Variants in KIFAP3 observed in about 807,000 individuals in gnomAD.
The protein encoded by KIFAP3 is kinesin associated protein 3, also known as kinesin-associated protein 3.
A neutral mutation model predicts 106.5 loss-of-function variants in KIFAP3; 68 were observed. The observed-to-expected ratio is 0.64, with a 90% CI of 0.53 to 0.78. KIFAP3 has a LOEUF of 0.78. Among genes scored for constraint, KIFAP3 ranks in the 30% least tolerant of loss-of-function variants. KIFAP3 has a pLI of 0.00. For synonymous variants in KIFAP3, 320 were observed against 311.5 expected (o/e 1.03, Z -0.29); for missense variants, 780 against 941.8 (o/e 0.83, Z 2.25).
intron 2 of KIFAP3, among the ~76,000 whole-genome samples, chr1:170,051,205 C>T (rs908759701): frequency 3.4e-5 from 5 of 145,748 alleles, no homozygotes; most frequent in African/African-American, 1.3e-4. Context: ...TCTGATAAAA[C>T]AGACTTTAAA....
intron 17 of KIFAP3, among the ~76,000 whole-genome samples, chr1:169,971,789 G>A (rs1257869459): frequency 6.6e-6 from 1 of 151,962 alleles, no homozygotes; most frequent in African/African-American, 2.4e-5. Flanking sequence ...CTAAAGGTGA[G>A]CCAAATCCAG....
At chr1:170,003,197 C>A (rs1667753000) in intron 10 of KIFAP3, among the ~76,000 whole-genome samples, 1 of 152,138 alleles carries the variant, frequency 6.6e-6, no homozygotes, top group Non-Finnish European at 1.5e-5. Context: ...CTATATGTGT[C>A]TAAGTGCTTA....
At chr1:170,071,393 T>A (rs1351062699) in intron 1 of KIFAP3, among the ~76,000 whole-genome samples, 1 of 152,196 alleles carries the variant, frequency 6.6e-6, no homozygotes, top group African/African-American at 2.4e-5. Flanking sequence ...TAAAATGGAA[T>A]ACTGAATTAG....
At chr1:170,022,690 TATC>T (rs1201544671) in intron 9 of KIFAP3, among the ~76,000 whole-genome samples, 3 of 152,170 alleles carry the variant, frequency 2.0e-5, no homozygotes, top group African/African-American at 7.2e-5. Flanking sequence ...GTAAAATCCA[TATC>T]ATCTCTAGTA....
chr1:170,028,736 G>A (rs1404496233), intron 8 of KIFAP3, among the ~76,000 whole-genome samples: 1 of 152,122 alleles, frequency 6.6e-6, no homozygotes, highest in Non-Finnish European at 1.5e-5. Flanking sequence ...AGCATGAAAT[G>A]GCACAAAATA....
chr1:170,041,049 T>G (rs1429691635), intron 3 of KIFAP3, among the ~76,000 whole-genome samples: 1 of 152,106 alleles, frequency 6.6e-6, no homozygotes, highest in East Asian at 1.9e-4. Flanking sequence ...GGTCTCGATC[T>G]CTTGACCTCG....
intron 15 of KIFAP3, among the ~76,000 whole-genome samples, chr1:169,980,057 C>G (rs959364256): frequency 6.6e-6 from 1 of 152,030 alleles, no homozygotes; most frequent in Non-Finnish European, 1.5e-5. Flanking sequence ...CAACACTAAT[C>G]TAGTGGTGAC....
At position 170,035,482 on chromosome 1, in the gene KIFAP3, T is replaced by A. The variant is rs1669640243; in HGVS notation, c.589A>T (p.Ile197Leu). 6.2e-7 allele frequency: 1 copy of A among 1,608,982 alleles called. No individual in the cohort carries two copies. The highest frequency in any genetic ancestry group is 1.7e-5 in the Admixed American group (1 of 59,474). ...GAGAAACAAAAAAAGATGTAAATTA[T>A]GTTTGTAGCTAACTCGACACTTTGC... ...WKQSVELATN[I>L]IYIFFCFSSF... Residue 197 changes from isoleucine (I) to leucine (L), a missense_variant, in exon 6 of 20, where the codon ATA becomes TTA. By Grantham distance (5) the Ile-to-Leu change is conservative. Around this residue, in one of 3 missense-constraint regions of KIFAP3, gnomAD observed 588 missense variants for 678.9 expected, o/e 0.87. Transcript: ENST00000361580.
At chr1:169,957,062 C>G (rs1665053279) in intron 18 of KIFAP3, among the ~76,000 whole-genome samples, 1 of 152,198 alleles carries the variant, frequency 6.6e-6, no homozygotes, top group Non-Finnish European at 1.5e-5. Flanking sequence ...CCAAGCACCT[C>G]AACTTCTTTG....
At chr1:170,050,130 A>G (rs367883463) in intron 2 of KIFAP3, among the ~76,000 whole-genome samples, 1 of 152,194 alleles carries the variant, frequency 6.6e-6, no homozygotes, top group Non-Finnish European at 1.5e-5. Context: ...TAGAATAACC[A>G]GTTTAGAGAG....
chr1:169,948,926 GA>G (rs546043827), intron 19 of KIFAP3, among the ~76,000 whole-genome samples: 2 of 151,764 alleles, frequency 1.3e-5, no homozygotes, highest in African/African-American at 2.4e-5. Flanking sequence ...TTTCTCAAGG[GA>G]AAAAAACAGT....
intron 10 of KIFAP3, among the ~76,000 whole-genome samples, chr1:170,007,406 TGAA>T (rs1220768482): frequency 6.6e-6 from 1 of 150,584 alleles, no homozygotes; most frequent in Non-Finnish European, 1.5e-5. Flanking sequence ...AGAGGGAAAA[TGAA>T]GACAGGAAAT....
chr1:170,039,194 A>G (rs763998909), intron 4 of KIFAP3, 39 bp downstream of exon 4: 2 of 1,240,764 alleles, frequency 1.6e-6, no homozygotes, highest in South Asian at 1.4e-5. Flanking sequence ...ATATCTTATA[A>G]TCCAGTCCTC....
intron 2 of KIFAP3, among the ~76,000 whole-genome samples, chr1:170,051,865 A>G (rs961378798): frequency 6.6e-6 from 1 of 152,246 alleles, no homozygotes. Context: ...GGAAATTTAT[A>G]GCACTAAATG....
chr1:170,052,683 T>C (rs1670638326), intron 2 of KIFAP3, among the ~76,000 whole-genome samples: 1 of 152,208 alleles, frequency 6.6e-6, no homozygotes, highest in Admixed American at 6.5e-5. Flanking sequence ...CAAGGCTGGT[T>C]CAACATATGC....
chr1:169,982,798 C>T lies in KIFAP3; in HGVS notation c.1576G>A (p.Gly526Arg). Residue 526 changes from glycine to arginine, a missense_variant, in exon 14 of 20, where the codon GGA becomes AGA. By Grantham distance (125) the Gly-to-Arg change is moderately radical (BLOSUM62 -2). Transcript: ENST00000361580. ...EEEEFVIECL[G>R]TLANLTIPDL... Reference sequence around the variant, plus strand: ...GGAATGGTCAAGTTTGCAAGAGTTCCCAAACATTCAATCACAAACTCCTCT... The same window carrying T: ...GGAATGGTCAAGTTTGCAAGAGTTCTCAAACATTCAATCACAAACTCCTCT... The T allele has an allele frequency of 3.1e-6, 5 of 1,608,098 alleles. No homozygotes were observed. Among genetic ancestry groups the T allele is most frequent in the Non-Finnish European group, 4.3e-6 (5 of 1,175,884 alleles).
Position 170,024,407 on chromosome 1 carries a change from T to C in KIFAP3, c.1020+11A>G, listed in dbSNP as rs762490810. The C allele has an allele frequency of 1.8e-5, 27 of 1,518,576 alleles. No individual in the cohort carries two copies. The Admixed American group carries it at 5.5e-4, about 31-fold the overall frequency. The allele number at this position is 1,518,576 out of a possible 1,614,324, so 94.1% of individuals were successfully genotyped here. A position where few individuals can be genotyped will look rare whatever the true frequency, so the allele number is the denominator to read the frequency against. On this transcript the variant is annotated intron_variant, in intron 9 of 19. Transcript: ENST00000361580. ...AAATGAACTATTTCAAGAAAAAGCT[T>C]TGTAAGTTACCATATCATTTTTATT...
At chr1:169,973,283 A>G (rs528160734) in intron 16 of KIFAP3, among the ~76,000 whole-genome samples, 1 of 149,820 alleles carries the variant, frequency 6.7e-6, no homozygotes, top group African/African-American at 2.4e-5. Context: ...AGCAAAAGGA[A>G]TAAATTTTAA....
intron 19 of KIFAP3, among the ~76,000 whole-genome samples, chr1:169,942,530 A>T (rs546963548): frequency 1.3e-5 from 2 of 152,348 alleles, no homozygotes; most frequent in Admixed American, 6.5e-5. Context: ...GATTAAACTG[A>T]TTGTGCTGTT....
Sources: gnomAD v4.1 joint callset for allele counts (sites outside exome capture counted in the v4.1 genomes callset) on GRCh38, gnomAD v4.1.1 for gene constraint, gnomAD v4.1.1 regional missense constraint, MANE v1.5 for transcripts, NCBI Gene and HGNC (gene_info 2026-07-23, HGNC 2026-07-21) for gene names.